The following ZNF131 variants were observed in gnomAD, a reference collection of about 807,000 sequenced individuals.
The protein encoded by ZNF131 is zinc finger and BTB domain containing 35, also known as zinc finger protein 131.
ZNF131 carries 7 observed loss-of-function variants against 60.0 expected under a neutral mutation model. The ratio of observed to expected loss-of-function variants is 0.12; its 90% CI spans 0.07 to 0.22. ZNF131 has a LOEUF of 0.22. Ranked by LOEUF, ZNF131 falls within the 10% of genes least tolerant of loss-of-function variation. ZNF131 has a pLI of 1.00. For synonymous variants in ZNF131, 257 were observed against 253.2 expected, an observed-to-expected ratio of 1.01 and a Z score of -0.14; for missense variants, 493 against 740.9, an observed-to-expected ratio of 0.67 and a Z score of 3.88.
In ZNF131 at chr5:43,175,001, C is replaced by T. The variant is rs35397154; in HGVS notation, c.1740C>T (p.Ser580=). The T allele has an allele frequency of 0.12, 186,382 of 1,613,938 alleles. 11,402 individuals are homozygous for T. Among genetic ancestry groups the T allele is most frequent in the East Asian group, 0.17 (7,608 of 44,862 alleles). Residue 580 remains serine, a synonymous_variant, in exon 7 of 7, where the codon AGC becomes AGT. Coordinates refer to ENST00000682664, the MANE Select transcript of ZNF131 (RefSeq NM_001330707.2). ...TGAACCAAGAGGAGAGAGAGTCTAG[C>T]CAAGCAGATGCTGCTGAGGCTGCCA... The part of the protein sequence containing the change: ...EIMNQEERES[S]QADAAEAARE...
At chr5:43,162,587 A>C (rs536424431) in intron 5 of ZNF131, among the ~76,000 whole-genome samples, 38 of 113,054 alleles carry the variant, frequency 3.4e-4, no homozygotes, top group Middle Eastern at 0.017. Flanking sequence ...GTGAGACTCC[A>C]TCTTAAAAAA....
intron 4 of ZNF131, among the ~76,000 whole-genome samples, chr5:43,155,563 A>C (rs1414833999): frequency 6.6e-6 from 1 of 152,160 alleles, no homozygotes; most frequent in Non-Finnish European, 1.5e-5. Flanking sequence ...GAGAGAATGC[A>C]CTGCAGTTCG....
rs559319339 is a variant in ZNF131, at chr5:43,158,580, G to A, written c.372-2669G>A. Among the ~76,000 whole-genome samples, 13 of 152,310 alleles carry A rather than the reference G, an allele frequency of 8.5e-5. 1 individual carries two copies. Among genetic ancestry groups the A allele is most frequent in the East Asian group, 5.8e-4 (3 of 5,188 alleles). ...GTTGGGATTACAGGCGTGAGCCACCGCGCCCGGCCAGACGTCATCTTAACT... is the reference window on the plus strand; with the variant it reads ...GTTGGGATTACAGGCGTGAGCCACCACGCCCGGCCAGACGTCATCTTAACT... On this transcript the variant is annotated intron_variant, in intron 4 of 6. Transcript: ENST00000682664.
At chr5:43,138,013 A>G (rs1004090141) in intron 3 of ZNF131, among the ~76,000 whole-genome samples, 2 of 152,236 alleles carry the variant, frequency 1.3e-5, no homozygotes, top group Admixed American at 1.3e-4. Flanking sequence ...GGAATCTAAA[A>G]TAGTCACTTC....
intron 6 of ZNF131, among the ~76,000 whole-genome samples, chr5:43,173,966 A>C (rs1228317933): frequency 6.6e-6 from 1 of 152,172 alleles, no homozygotes; most frequent in Non-Finnish European, 1.5e-5. Flanking sequence ...GGTGGCTCAC[A>C]CCTGTAATCC....
chr5:43,121,932 C>G, intron 1 of ZNF131, 107 bp from the exon 2 acceptor site: 1 of 1,225,758 alleles, frequency 8.2e-7, no homozygotes, highest in Non-Finnish European at 1.1e-6. Flanking sequence ...TCACCCTCCC[C>G]CCTTCTTTTC....
chr5:43,161,160 A>C, intron 4 of ZNF131, 89 bp from the exon 5 acceptor site: 1 of 1,210,666 alleles, frequency 8.3e-7, no homozygotes, highest in Non-Finnish European at 1.2e-6. Context: ...CTGTTTATAT[A>C]AATTTTATTG....
At chr5:43,137,644 G>A (rs1335390384) in intron 3 of ZNF131, among the ~76,000 whole-genome samples, 2 of 151,612 alleles carry the variant, frequency 1.3e-5, no homozygotes, top group African/African-American at 4.8e-5. Context: ...AATGTTGGCA[G>A]GAATAGGTGC....
chr5:43,146,854 C>T (rs904404201), intron 4 of ZNF131, among the ~76,000 whole-genome samples: 52 of 152,106 alleles, frequency 3.4e-4, no homozygotes, highest in East Asian at 1.7e-3. Flanking sequence ...TGCAGTGAGC[C>T]GAGATCACGC....
chr5:43,141,876 T>C (rs1746875167), intron 4 of ZNF131, among the ~76,000 whole-genome samples: 2 of 152,138 alleles, frequency 1.3e-5, no homozygotes, highest in Non-Finnish European at 2.9e-5. Flanking sequence ...GCATGTAATA[T>C]GTTCTGAAGA....
chr5:43,162,987 T>TTTTTTTTTTTTTTG (rs1243576255), intron 5 of ZNF131, among the ~76,000 whole-genome samples: 3 of 138,980 alleles, frequency 2.2e-5, no homozygotes, highest in African/African-American at 7.9e-5. Context: ...TTTTTTTTTT[T>TTTTTTTTTTTTTTG]GGCAGATGGA....
At chr5:43,133,186 C>T (rs1745587212) in intron 3 of ZNF131, among the ~76,000 whole-genome samples, 2 of 152,076 alleles carry the variant, frequency 1.3e-5, no homozygotes, top group African/African-American at 2.4e-5. Flanking sequence ...TGACTTTAGG[C>T]CTGGTGTGGT....
chr5:43,150,332 A>G (rs1252540971), intron 4 of ZNF131, among the ~76,000 whole-genome samples: 1 of 152,218 alleles, frequency 6.6e-6, no homozygotes, highest in African/African-American at 2.4e-5. Context: ...AGTCCAAAAT[A>G]AAAGGCTCTC....
chr5:43,172,547 G>A (rs373742041), intron 5 of ZNF131, among the ~76,000 whole-genome samples: 4 of 152,010 alleles, frequency 2.6e-5, no homozygotes, highest in South Asian at 4.2e-4. Context: ...ACTTGAACCC[G>A]GGAGGCGGAG....
intron 4 of ZNF131, among the ~76,000 whole-genome samples, chr5:43,159,899 G>T (rs1049691040): frequency 6.6e-6 from 1 of 151,970 alleles, no homozygotes; most frequent in Non-Finnish European, 1.5e-5. Context: ...GGCAGGCTGG[G>T]CGCGGTGGCC....
chr5:43,137,183 G>A (rs1176555242), intron 3 of ZNF131, among the ~76,000 whole-genome samples: 8 of 152,076 alleles, frequency 5.3e-5, no homozygotes, highest in Non-Finnish European at 4.4e-5. Context: ...CAAAAGCACA[G>A]CCAACAACAG....
chr5:43,144,948 G>A (rs754434493), intron 4 of ZNF131, among the ~76,000 whole-genome samples: 55 of 151,690 alleles, frequency 3.6e-4, no homozygotes, highest in Non-Finnish European at 6.9e-4. Context: ...ACTGAGCCAA[G>A]CAGATTGACT....
chr5:43,124,217 TATTA>T (rs1036741561), intron 3 of ZNF131: 68 of 152,344 alleles, frequency 4.5e-4, no homozygotes, highest in African/African-American at 1.6e-3. Flanking sequence ...AAGTTTGTGC[TATTA>T]ATTACCATGC....
intron 3 of ZNF131, among the ~76,000 whole-genome samples, chr5:43,137,103 A>G (rs193079681): frequency 1.3e-4 from 20 of 152,342 alleles, no homozygotes; most frequent in Admixed American, 1.3e-3. Context: ...CAAAAAATGT[A>G]AATCTCCTGG....
Sources: gnomAD v4.1 joint callset for allele counts (sites outside exome capture counted in the v4.1 genomes callset) on GRCh38, gnomAD v4.1.1 for gene constraint, MANE v1.5 for transcripts, NCBI Gene and HGNC (gene_info 2026-07-23, HGNC 2026-07-21) for gene names.